Variants in SCLY observed in about 807,000 individuals in gnomAD.
SCLY encodes the protein selenocysteine lyase, also known as putative selenocysteine lyase.
SCLY carries 38 observed loss-of-function variants against 50.1 expected under a neutral mutation model. That is an observed-to-expected ratio of 0.76 (90% CI 0.59 to 0.99). The LOEUF (loss-of-function observed/expected upper bound fraction) is 0.99. Among genes scored for constraint, SCLY ranks in the 50% least tolerant of loss-of-function variants. SCLY has a pLI of 0.00. For missense variants in SCLY, 600 were observed against 620.0 expected (o/e 0.97, Z 0.34); for synonymous variants, 243 against 249.4 (o/e 0.97, Z 0.24).
chr2:238,088,151 G>T (rs976415410), intron 7 of SCLY, among the ~76,000 whole-genome samples: 4 of 152,124 alleles, frequency 2.6e-5, no homozygotes, highest in African/African-American at 9.7e-5. Context: ...CAGATGCAAG[G>T]CTGGTTCAAT....
Position 238,099,218 on chromosome 2 carries a change from T to C in SCLY, c.*863T>C, listed in dbSNP as rs962473188. On this transcript the variant is annotated 3_prime_UTR_variant, in exon 12 of 12. Coordinates refer to ENST00000254663, the MANE Select transcript of SCLY (RefSeq NM_016510.7). ...ATCCCTGACTCAGCTTTTACCTTAA[T>C]TTTATTTGCAGAGGATTCTTTTCTC... is the stretch of plus-strand genomic sequence containing the variant. 4.2e-6 allele frequency: 2 copies of C among 471,248 alleles called. No homozygotes were observed. Among genetic ancestry groups the C allele is most frequent in the Non-Finnish European group, 4.4e-6 (1 of 227,038 alleles). The allele number at this position is 471,248 out of a possible 1,614,324, so 29.2% of individuals were successfully genotyped here.
At chr2:238,096,719 G>A in intron 10 of SCLY, 82 bp from the exon 11 acceptor site, 1 of 1,452,932 alleles carries the variant, frequency 6.9e-7, no homozygotes, top group Non-Finnish European at 9.5e-7. Flanking sequence ...GAAGCAGCCT[G>A]CGCCCAGCAG....
intron 7 of SCLY, 36 bp from the exon 8 acceptor site, chr2:238,091,181 AT>A: frequency 6.4e-7 from 1 of 1,574,582 alleles, no homozygotes; most frequent in East Asian, 2.2e-5. Context: ...TTCCTGAGAC[AT>A]TTGTTTATTC....
intron 7 of SCLY, among the ~76,000 whole-genome samples, chr2:238,090,969 A>G (rs1024803147): frequency 1.3e-5 from 2 of 152,160 alleles, no homozygotes; most frequent in Admixed American, 6.5e-5. Context: ...GTCCAGATAG[A>G]ACTGTCACAG....
intron 6 of SCLY, chr2:238,082,976 T>C (rs2065253598): frequency 2.3e-6 from 1 of 436,530 alleles, no homozygotes; most frequent in Non-Finnish European, 4.5e-6. Flanking sequence ...TTACAAATTC[T>C]ATCACATGAT....
chr2:238,091,549 C>CCCT, intron 8 of SCLY: 3 of 339,078 alleles, frequency 8.8e-6, no homozygotes, highest in Admixed American at 4.5e-5. Flanking sequence ...TGCAGGTTCA[C>CCCT]CATTCCCAAA....
At chr2:238,088,758 G>A (rs940587770) in intron 7 of SCLY, among the ~76,000 whole-genome samples, 13 of 152,152 alleles carry the variant, frequency 8.5e-5, no homozygotes, top group African/African-American at 3.1e-4. Context: ...GGATTAGTGG[G>A]GAACTTTCTC....
At position 238,067,974 on chromosome 2, in the gene SCLY, C is replaced by G; in HGVS notation, c.203-91C>G. On this transcript the variant is annotated intron_variant, in intron 2 of 11. Coordinates refer to ENST00000254663, the MANE Select transcript of SCLY (RefSeq NM_016510.7). The surrounding 1 kb of genome is among the most constrained non-coding windows in gnomAD (Gnocchi z 4.3). ...TTGTCTTAGAACGGCCCACGCAGAC[C>G]TCTTATTCCTTTGTATTTGGTTGTC... The G allele has an allele frequency of 3.3e-6, 3 of 920,410 alleles. No homozygotes were observed. Among genetic ancestry groups the G allele is most frequent in the Non-Finnish European group, 5.1e-6 (3 of 590,942 alleles). 57.0% of individuals were successfully genotyped at this position (920,410 alleles called of 1,614,324 possible).
At chr2:238,096,398 T>C (rs984438957) in intron 10 of SCLY, among the ~76,000 whole-genome samples, 5 of 152,168 alleles carry the variant, frequency 3.3e-5, no homozygotes, top group African/African-American at 1.2e-4. Flanking sequence ...GCTGTGCTTG[T>C]GAAAGAAGAG....
At chr2:238,075,108 T>C (rs2106441622) in intron 4 of SCLY, among the ~76,000 whole-genome samples, 1 of 152,308 alleles carries the variant, frequency 6.6e-6, no homozygotes, top group Non-Finnish European at 1.5e-5. Flanking sequence ...TTGTTGGGTG[T>C]TTTTATCATG....
rs2065076351 is a variant in SCLY at position 238,066,969 on chromosome 2, C to G, written c.203-1096C>G. Reference sequence around the variant, plus strand: ...ACCATCAGATTTCATGAGACTGATTCACTATCACGAGACTAGCATGGGAAA... The same window carrying G: ...ACCATCAGATTTCATGAGACTGATTGACTATCACGAGACTAGCATGGGAAA... On this transcript the variant is annotated intron_variant, in intron 2 of 11. Coordinates refer to ENST00000254663, the MANE Select transcript of SCLY (RefSeq NM_016510.7). This position sits in a 1 kb window ranked among gnomAD's most constrained non-coding sequence, Gnocchi z 4.1. 1.3e-5 allele frequency among the ~76,000 whole-genome samples: 2 copies of G among 152,158 alleles called. No homozygotes were observed. The highest frequency in any genetic ancestry group is 2.9e-5 in the Non-Finnish European group (2 of 68,024).
At chr2:238,094,215 G>C in intron 9 of SCLY, 1 of 613,172 alleles carries the variant, frequency 1.6e-6, no homozygotes, top group Non-Finnish European at 2.9e-6. Context: ...GGTTTATGTG[G>C]AAGGTTCATA....
At chr2:238,097,722 A>G (rs1359127571) in intron 11 of SCLY, among the ~76,000 whole-genome samples, 1 of 152,116 alleles carries the variant, frequency 6.6e-6, no homozygotes, top group Non-Finnish European at 1.5e-5. Context: ...TCGAGCCTCC[A>G]ACAGCCTTGC....
In SCLY at chr2:238,099,165, A is replaced by G. The variant is rs1054640; in HGVS notation, c.*810A>G. 0.66 allele frequency: 296,229 copies of G among 451,518 alleles called. 98,151 individuals carry two copies. The highest frequency in any genetic ancestry group is 0.72 in the African/African-American group (35,470 of 49,336). The allele number at this position is 451,518 out of a possible 1,614,324, so 28.0% of individuals were successfully genotyped here. A position where few individuals can be genotyped will look rare whatever the true frequency, so the allele number is the denominator to read the frequency against. ...AACCTCGCTGAGTTGGTGCAGCTCC[A>G]GGTCATTCCTGGGGTGGGAATCGGA... is the stretch of plus-strand genomic sequence containing the variant. On this transcript the variant is annotated 3_prime_UTR_variant, in exon 12 of 12. Coordinates refer to ENST00000254663, the MANE Select transcript of SCLY (RefSeq NM_016510.7).
At chr2:238,081,503 C>T (rs1002640137) in intron 4 of SCLY, 21 of 587,140 alleles carry the variant, frequency 3.6e-5, no homozygotes, top group Non-Finnish European at 4.9e-5. Context: ...TGACTGCAGC[C>T]GCGTTAAAGA....
At chr2:238,085,767 A>G (rs569201042) in intron 7 of SCLY, among the ~76,000 whole-genome samples, 8 of 152,290 alleles carry the variant, frequency 5.3e-5, no homozygotes, top group South Asian at 2.1e-4. Flanking sequence ...TCAGGGACCT[A>G]TGAGACGATA....
chr2:238,091,549 C>A, intron 8 of SCLY: 4 of 339,034 alleles, frequency 1.2e-5, no homozygotes, highest in South Asian at 3.9e-5. Context: ...TGCAGGTTCA[C>A]CATTCCCAAA....
At position 238,098,631 on chromosome 2, in the gene SCLY, A is replaced by T; in HGVS notation, c.*276A>T. ...GGACCGCCCACATGGGACCGCCCAC[A>T]TGGGACCGCCCACATGGGACCGCCC... is the stretch of plus-strand genomic sequence containing the variant. On this transcript the variant is annotated 3_prime_UTR_variant, in exon 12 of 12. Coordinates refer to ENST00000254663, the MANE Select transcript of SCLY (RefSeq NM_016510.7). The T allele has an allele frequency of 2.8e-6, 1 of 351,734 alleles. No homozygotes were observed. The highest frequency in any genetic ancestry group is 5.3e-6 in the Non-Finnish European group (1 of 187,246). 21.8% of individuals were successfully genotyped at this position (351,734 alleles called of 1,614,324 possible).
chr2:238,084,709 A>G (rs2065273369), intron 7 of SCLY, among the ~76,000 whole-genome samples: 1 of 150,672 alleles, frequency 6.6e-6, no homozygotes, highest in Admixed American at 6.6e-5. Context: ...CCTGGCTAAT[A>G]TGGTGAAACC....
Sources: gnomAD v4.1 joint callset for allele counts (sites outside exome capture counted in the v4.1 genomes callset) on GRCh38, gnomAD v4.1.1 for gene constraint, Gnocchi (gnomAD v3.1) non-coding constraint, MANE v1.5 for transcripts, NCBI Gene and HGNC (gene_info 2026-07-23, HGNC 2026-07-21) for gene names.